RAB40B: variants seen among roughly 807,000 people sequenced by gnomAD.
The protein encoded by RAB40B is ras-related protein Rab-40B.
RAB40B carries 21 observed loss-of-function variants against 24.0 expected under a neutral mutation model. That is an observed-to-expected ratio of 0.88 (90% CI 0.62 to 1.26). The LOEUF is 1.26. Ranked by LOEUF, RAB40B falls within the 50% of genes most tolerant of loss-of-function variation. The probability of loss-of-function intolerance (pLI) is 0.00; values close to 1 mark genes in which losing one functional copy is unlikely to be tolerated. For missense variants in RAB40B, 348 were observed against 390.5 expected (o/e 0.89, Z 0.92); for synonymous variants, 167 against 169.8 (o/e 0.98, Z 0.13).
chr17:82,689,317 C>A (rs1349558579), intron 1 of RAB40B, among the ~76,000 whole-genome samples: 1 of 152,222 alleles, frequency 6.6e-6, no homozygotes, highest in Non-Finnish European at 1.5e-5. Context: ...GTGCCTGGTG[C>A]CAGGCTGGTG....
At chr17:82,688,429 A>G (rs941344544) in intron 1 of RAB40B, among the ~76,000 whole-genome samples, 1 of 151,522 alleles carries the variant, frequency 6.6e-6, no homozygotes, top group Non-Finnish European at 1.5e-5. Context: ...CCTGACCAAC[A>G]TGGTGAAACC....
At chr17:82,660,655 G>A (rs539397823) in intron 3 of RAB40B, among the ~76,000 whole-genome samples, 43 of 134,120 alleles carry the variant, frequency 3.2e-4, no homozygotes, top group African/African-American at 1.1e-3. Flanking sequence ...TCATGCAGAC[G>A]TATGCACAGT....
intron 1 of RAB40B, among the ~76,000 whole-genome samples, chr17:82,674,384 C>T (rs1351255583): frequency 1.3e-5 from 2 of 150,804 alleles, no homozygotes; most frequent in Non-Finnish European, 3.0e-5. Flanking sequence ...GTAACCCCAG[C>T]ACTTTGGGAG....
chr17:82,664,560 C>A lies in RAB40B; in HGVS notation c.143-4G>T. 1 of 1,613,448 alleles carries A rather than the reference C, an allele frequency of 6.2e-7. No homozygotes were observed. Among genetic ancestry groups the A allele is most frequent in the Non-Finnish European group, 8.5e-7 (1 of 1,179,484 alleles). On this transcript the variant is annotated splice_polypyrimidine_tract_variant and splice_region_variant and intron_variant, in intron 1 of 5. Transcript: ENST00000571995. ...GTGGTCGTCTTGTAGTCGATGCCTG[C>A]GGAAGGGTTAGAGACGGCTTAGGCC... is the stretch of plus-strand genomic sequence containing the variant.
At position 82,670,216 on chromosome 17, in the gene RAB40B, C is replaced by T. The variant is rs537409814; in HGVS notation, c.143-5660G>A. Among the ~76,000 whole-genome samples, 306 of 141,370 alleles carry T rather than the reference C, an allele frequency of 2.2e-3. 1 individual carries two copies. The highest frequency in any genetic ancestry group is 3.9e-3 in the Non-Finnish European group (256 of 66,246). 92.7% of individuals were successfully genotyped at this position (141,370 alleles called of 152,430 possible). A position where few individuals can be genotyped will look rare whatever the true frequency, so the allele number is the denominator to read the frequency against. On this transcript the variant is annotated intron_variant, in intron 1 of 5. Transcript: ENST00000571995. ...TTTTTTTTTTTTTGAGACAGAGTCTCGCTCTCTCACCCAGCCTGGAGTGCA... is the reference window on the plus strand; with the variant it reads ...TTTTTTTTTTTTTGAGACAGAGTCTTGCTCTCTCACCCAGCCTGGAGTGCA...
intron 1 of RAB40B, among the ~76,000 whole-genome samples, chr17:82,679,897 C>T (rs1026330724): frequency 2.0e-5 from 3 of 152,222 alleles, no homozygotes; most frequent in African/African-American, 7.2e-5. Flanking sequence ...GCGGGGTGAA[C>T]GCAGTCGTGG....
intron 1 of RAB40B, among the ~76,000 whole-genome samples, chr17:82,677,323 G>A (rs1205426719): frequency 6.6e-6 from 1 of 152,198 alleles, no homozygotes; most frequent in Admixed American, 6.5e-5. Context: ...TTTCTTCCAA[G>A]TCCCAGGTTC....
At chr17:82,688,223 T>A (rs2046521852) in intron 1 of RAB40B, among the ~76,000 whole-genome samples, 1 of 152,070 alleles carries the variant, frequency 6.6e-6, no homozygotes, top group South Asian at 2.1e-4. Flanking sequence ...GGTTTCCCTA[T>A]ATTTCCTAGG....
At chr17:82,661,458 C>A (rs546421488) in intron 2 of RAB40B, among the ~76,000 whole-genome samples, 183 of 152,298 alleles carry the variant, frequency 1.2e-3, no homozygotes, top group African/African-American at 4.1e-3. Context: ...ATGGAGTCAG[C>A]CCTTCCAGTG....
chr17:82,662,144 G>T (rs547846295), intron 2 of RAB40B: 44 of 985,340 alleles, frequency 4.5e-5, no homozygotes, highest in Non-Finnish European at 5.1e-5. Context: ...CCTGTGGTCG[G>T]TGACCACCCT....
chr17:82,689,504 G>A (rs1042034156), intron 1 of RAB40B, among the ~76,000 whole-genome samples: 1 of 152,212 alleles, frequency 6.6e-6, no homozygotes, highest in African/African-American at 2.4e-5. Flanking sequence ...GCTAAAGGAT[G>A]GTCATCAGGG....
intron 4 of RAB40B, chr17:82,659,112 G>A (rs1199346287): frequency 4.0e-6 from 1 of 250,562 alleles, no homozygotes; most frequent in Non-Finnish European, 7.7e-6. Flanking sequence ...CCAGAACCGT[G>A]AGAGAATGCA....
At chr17:82,681,437 GA>G (rs2046448643) in intron 1 of RAB40B, among the ~76,000 whole-genome samples, 1 of 152,076 alleles carries the variant, frequency 6.6e-6, no homozygotes, top group Admixed American at 6.5e-5. Flanking sequence ...ACTGGGTAGG[GA>G]AAAAAGCCCC....
chr17:82,686,537 G>A (rs921199975), intron 1 of RAB40B, among the ~76,000 whole-genome samples: 3 of 152,186 alleles, frequency 2.0e-5, no homozygotes, highest in African/African-American at 7.2e-5. Context: ...AGGAGAGAAG[G>A]CTGTGTGACG....
intron 1 of RAB40B, among the ~76,000 whole-genome samples, chr17:82,676,024 G>T (rs542157880): frequency 1.3e-5 from 2 of 152,234 alleles, no homozygotes; most frequent in East Asian, 3.9e-4. Flanking sequence ...AGACGCTGCA[G>T]CCTGGGGCCT....
rs117702884 is a variant in RAB40B, at chr17:82,659,325, G to A, written c.342+255C>T. ...TGAAGCAGGCCAAACCTGACCCCACGCATAGCCGAGGTACGCCGTGGACGC... is the reference window on the plus strand; with the variant it reads ...TGAAGCAGGCCAAACCTGACCCCACACATAGCCGAGGTACGCCGTGGACGC... On this transcript the variant is annotated intron_variant, in intron 4 of 5. Transcript: ENST00000571995. 452 of 497,340 alleles carry A rather than the reference G, an allele frequency of 9.1e-4. 4 individuals carry two copies. The East Asian group carries it at 0.014, about 16-fold the overall frequency. 30.8% of individuals were successfully genotyped at this position (497,340 alleles called of 1,614,324 possible).
At chr17:82,678,110 TTTTTTG>T (rs1205867664) in intron 1 of RAB40B, among the ~76,000 whole-genome samples, 3 of 152,344 alleles carry the variant, frequency 2.0e-5, no homozygotes, top group Admixed American at 6.5e-5. Context: ...CTTTGCAGTT[TTTTTTG>T]TTTTTGTTTT....
chr17:82,664,100 G>A (rs1263814715), intron 2 of RAB40B, among the ~76,000 whole-genome samples: 1 of 140,294 alleles, frequency 7.1e-6, no homozygotes, highest in Non-Finnish European at 1.6e-5. Flanking sequence ...GTGCTGTGCC[G>A]ATGTTGGTGG....
chr17:82,663,991 TGGGA>T lies in RAB40B; in HGVS notation c.203+501_203+504del, dbSNP rs1568031952. Among the ~76,000 whole-genome samples the T allele has an allele frequency of 1.8e-5, 1 of 54,226 alleles. No homozygotes were observed. Among genetic ancestry groups the T allele is most frequent in the Non-Finnish European group, 3.9e-5 (1 of 25,718 alleles). 35.6% of individuals were successfully genotyped at this position (54,226 alleles called of 152,430 possible). On this transcript the variant is annotated intron_variant, in intron 2 of 5. Coordinates refer to ENST00000571995, the MANE Select transcript of RAB40B (RefSeq NM_006822.3). The surrounding 1 kb of genome is among the most constrained non-coding windows in gnomAD (Gnocchi z 6.2). ...CGGGGCGCTGTGCCGACGGTGGTGGTGGGAGGGTGTTCCCGGGGGCGCTGTGCCA... is the reference window on the plus strand; with the variant it reads ...CGGGGCGCTGTGCCGACGGTGGTGGTGGGTGTTCCCGGGGGCGCTGTGCCA...
Sources: gnomAD v4.1 joint callset for allele counts (sites outside exome capture counted in the v4.1 genomes callset) on GRCh38, gnomAD v4.1.1 for gene constraint, Gnocchi (gnomAD v3.1) non-coding constraint, MANE v1.5 for transcripts, NCBI Gene and HGNC (gene_info 2026-07-23, HGNC 2026-07-21) for gene names.